FANCB: variants seen among roughly 807,000 people sequenced by gnomAD.
FANCB encodes the protein Fanconi anemia group B protein.
FANCB carries 5 observed loss-of-function variants against 38.9 expected under a neutral mutation model. The ratio of observed to expected loss-of-function variants is 0.13; its 90% CI spans 0.07 to 0.27. The LOEUF (loss-of-function observed/expected upper bound fraction) is 0.27, where lower values mean the gene tolerates loss of function less well. FANCB is among the 10% of genes least tolerant of loss of function. The pLI is 1.00. For synonymous variants in FANCB, 236 were observed against 215.4 expected (o/e 1.10, Z -0.84); for missense variants, 573 against 602.7 (o/e 0.95, Z 0.52).
the FANCB span, among the ~76,000 whole-genome samples, chrX:14,737,330 G>T: frequency 8.9e-6 from 1 of 112,381 alleles, no homozygotes; most frequent in South Asian, 3.7e-4. Flanking sequence ...GACTCCTGTA[G>T]ATTTTCCTTA....
intron 7 of FANCB, among the ~76,000 whole-genome samples, chrX:14,847,567 T>TATCTTGAGA (rs2147396736): frequency 9.1e-6 from 1 of 110,004 alleles, no homozygotes; most frequent in East Asian, 2.8e-4. Context: ...GAAGCATCAG[T>TATCTTGAGA]ATCTTGAGAA....
downstream of FANCB, among the ~76,000 whole-genome samples, chrX:14,840,737 A>G (rs1033338439): frequency 2.7e-5 from 3 of 111,946 alleles, no homozygotes; most frequent in African/African-American, 9.7e-5. Flanking sequence ...TGGGGAAATG[A>G]ATAATTTAAG....
the FANCB span, chrX:14,730,785 A>G: frequency 3.9e-6 from 1 of 257,927 alleles, no homozygotes; most frequent in Non-Finnish European, 7.0e-6. Flanking sequence ...TGATATGCGC[A>G]TCATTCAGAC....
the FANCB span, among the ~76,000 whole-genome samples, chrX:14,710,761 T>C: frequency 1.8e-5 from 2 of 111,711 alleles, no homozygotes; most frequent in Non-Finnish European, 3.8e-5. Context: ...AATACATCTT[T>C]CCTGAACTTG....
the FANCB span, among the ~76,000 whole-genome samples, chrX:14,705,936 A>G: frequency 1.2e-4 from 13 of 112,079 alleles, no homozygotes; most frequent in Admixed American, 6.6e-4. Flanking sequence ...TTCAAGAGCA[A>G]CAGAAGTCAT....
At chrX:14,832,581 G>A (rs900871580), downstream of FANCB, among the ~76,000 whole-genome samples, 4 of 112,062 alleles carry the variant, frequency 3.6e-5, no homozygotes, top group African/African-American at 9.7e-5. Flanking sequence ...CTATCTTCAC[G>A]CCTAAGCCAA....
the FANCB span, among the ~76,000 whole-genome samples, chrX:14,815,375 A>C: frequency 9.2e-6 from 1 of 108,900 alleles, no homozygotes; most frequent in Non-Finnish European, 1.9e-5. Flanking sequence ...ATAAAAGGTA[A>C]AAAAAAAAAG....
chrX:14,715,682 G>C, the FANCB span, among the ~76,000 whole-genome samples: 1 of 111,228 alleles, frequency 9.0e-6, no homozygotes, highest in African/African-American at 3.3e-5. Flanking sequence ...GAGTTTACCA[G>C]GTAAAAAGAG....
At chrX:14,747,968 G>C in the FANCB span, among the ~76,000 whole-genome samples, 3 of 111,666 alleles carry the variant, frequency 2.7e-5, no homozygotes, top group Admixed American at 9.5e-5. Flanking sequence ...TCAAGCTAGA[G>C]GTGTCTGTAT....
chrX:14,742,191 T>C, the FANCB span, among the ~76,000 whole-genome samples: 19 of 112,002 alleles, frequency 1.7e-4, no homozygotes, highest in Non-Finnish European at 3.0e-4. Context: ...CTTAGCATGT[T>C]AATGTGCCTT....
At chrX:14,699,801 CAT>C in the FANCB span, among the ~76,000 whole-genome samples, 1 of 111,721 alleles carries the variant, frequency 9.0e-6, no homozygotes, top group Non-Finnish European at 1.9e-5. Flanking sequence ...TTAGATTCCA[CAT>C]ATGAGTGAGA....
the FANCB span, among the ~76,000 whole-genome samples, chrX:14,800,501 T>C: frequency 9.0e-6 from 1 of 111,728 alleles, no homozygotes; most frequent in African/African-American, 3.3e-5. Context: ...ACCAGTACCA[T>C]GACTTTAGAC....
the FANCB span, among the ~76,000 whole-genome samples, chrX:14,829,084 A>T: frequency 9.0e-6 from 1 of 110,660 alleles, no homozygotes; most frequent in Admixed American, 9.6e-5. Flanking sequence ...AATTCTTTCC[A>T]GATAATTTTC....
At position 14,853,047 on chromosome X, in the gene FANCB, C is replaced by T. The variant is rs1313938907; in HGVS notation, c.1318G>A (p.Ala440Thr). The T allele has an allele frequency of 5.8e-6, 7 of 1,199,486 alleles. No homozygotes were observed. The highest frequency in any genetic ancestry group is 7.9e-6 in the Non-Finnish European group (7 of 885,270). ...CACATGATTACTTTTACCTCCTCTG[C>T]ACTTGACGTATTATCATCTTTTCCT... Reference protein sequence around the residue: ...VQGKDDNTSSAEEKECLVPLC... With the variant: ...VQGKDDNTSSTEEKECLVPLC... The change falls in exon 6 of 10, where the codon GCA becomes ACA. Residue 440 changes from alanine to threonine, a missense_variant. Ala to Thr is a moderately conservative substitution (Grantham distance 58). Coordinates refer to ENST00000650831, the MANE Select transcript of FANCB (RefSeq NM_001018113.3).
chrX:14,775,160 G>GTTTTT, the FANCB span, among the ~76,000 whole-genome samples: 1,213 of 34,883 alleles, frequency 0.035, 208 homozygotes, highest in Non-Finnish European at 0.059. Flanking sequence ...TTTCTCTAAT[G>GTTTTT]TTTTTTTTTT....
At chrX:14,691,344 C>T in the FANCB span, among the ~76,000 whole-genome samples, 1 of 99,492 alleles carries the variant, frequency 1.0e-5, no homozygotes, top group African/African-American at 3.7e-5. Context: ...CGTGCGTGTA[C>T]ATCACTGATC....
chrX:14,735,588 C>T, the FANCB span, among the ~76,000 whole-genome samples: 1 of 112,114 alleles, frequency 8.9e-6, no homozygotes, highest in Non-Finnish European at 1.9e-5. Context: ...AAGACTGCTG[C>T]CTGTTCCTTC....
chrX:14,864,646 G>A lies in FANCB; in HGVS notation c.865C>T (p.Leu289Phe). ...LPFGDPCAVQ[L>F]MDSGGGNLFF... The stretch of plus-strand genomic sequence containing the variant: ...AGGTTTCCTCCACCTGAATCCATAA[G>A]TTGAACTGCACAAGGATCTCCAAAT... Residue 289 changes from leucine to phenylalanine, a missense_variant, in exon 3 of 10, where the codon CTT becomes TTT. By Grantham distance (22) the Leu-to-Phe change is conservative. Coordinates refer to ENST00000650831, the MANE Select transcript of FANCB (RefSeq NM_001018113.3). The A allele has an allele frequency of 8.3e-7, 1 of 1,209,123 alleles. No homozygotes were observed. The highest frequency in any genetic ancestry group is 1.1e-6 in the Non-Finnish European group (1 of 892,959).
the FANCB span, among the ~76,000 whole-genome samples, chrX:14,717,983 G>A: frequency 9.0e-6 from 1 of 110,908 alleles, no homozygotes; most frequent in African/African-American, 3.3e-5. Flanking sequence ...GAATGTCGTC[G>A]GGTACGACAT....
Sources: gnomAD v4.1 joint callset for allele counts (sites outside exome capture counted in the v4.1 genomes callset) on GRCh38, gnomAD v4.1.1 for gene constraint, MANE v1.5 for transcripts, NCBI Gene and HGNC (gene_info 2026-07-23, HGNC 2026-07-21) for gene names.